SH3GL2: variants seen among roughly 807,000 people sequenced by gnomAD.
SH3GL2 encodes the protein SH3 domain containing GRB2 like 2, endophilin A1, also known as endophilin-A1.
In SH3GL2, 24 loss-of-function variants were observed where a neutral mutation model predicts 46.0. The ratio of observed to expected loss-of-function variants is 0.52; its 90% CI spans 0.38 to 0.73. SH3GL2 has a LOEUF of 0.73. Among genes scored for constraint, SH3GL2 ranks in the 30% least tolerant of loss-of-function variants. The pLI is 0.00. For missense variants in SH3GL2, 413 were observed against 424.2 expected (o/e 0.97, Z 0.23); for synonymous variants, 196 against 147.1 (o/e 1.33, Z -2.40).
chr9:17,667,092 G>A (rs1160674269), intron 1 of SH3GL2, among the ~76,000 whole-genome samples: 2 of 152,138 alleles, frequency 1.3e-5, no homozygotes, highest in African/African-American at 2.4e-5. Flanking sequence ...TTTACATGGT[G>A]TTTATCTTGT....
At chr9:17,650,328 A>G (rs1819923994) in intron 1 of SH3GL2, among the ~76,000 whole-genome samples, 2 of 152,178 alleles carry the variant, frequency 1.3e-5, no homozygotes, top group South Asian at 2.1e-4. Flanking sequence ...CATGGTATGG[A>G]TTGGTTGAAG....
intron 1 of SH3GL2, among the ~76,000 whole-genome samples, chr9:17,687,161 G>A (rs1820937450): frequency 6.6e-6 from 1 of 152,032 alleles, no homozygotes; most frequent in African/African-American, 2.4e-5. Flanking sequence ...CACATTAAGT[G>A]TATGCTTTGA....
intron 1 of SH3GL2, among the ~76,000 whole-genome samples, chr9:17,649,070 C>G (rs1372259164): frequency 1.3e-5 from 2 of 152,010 alleles, no homozygotes; most frequent in African/African-American, 4.8e-5. Context: ...TCTCTTAACT[C>G]AAGGATTAAT....
chr9:17,729,729 A>G (rs1412225344), intron 1 of SH3GL2, among the ~76,000 whole-genome samples: 2 of 152,082 alleles, frequency 1.3e-5, no homozygotes, highest in East Asian at 3.9e-4. Context: ...TTCTTTCCCC[A>G]TTGCTTGTTT....
intron 1 of SH3GL2, among the ~76,000 whole-genome samples, chr9:17,740,046 G>A (rs1822479160): frequency 6.6e-6 from 1 of 152,000 alleles, no homozygotes; most frequent in Non-Finnish European, 1.5e-5. Flanking sequence ...GAAAATCAGT[G>A]TTCATCCTGT....
At chr9:17,617,069 TATA>T (rs1819020363) in intron 1 of SH3GL2, among the ~76,000 whole-genome samples, 1 of 152,204 alleles carries the variant, frequency 6.6e-6, no homozygotes, top group Non-Finnish European at 1.5e-5. Context: ...GCATACATAC[TATA>T]ATATTCTGGG....
At chr9:17,587,395 G>A (rs1818398545) in intron 1 of SH3GL2, among the ~76,000 whole-genome samples, 1 of 152,138 alleles carries the variant, frequency 6.6e-6, no homozygotes, top group African/African-American at 2.4e-5. Flanking sequence ...CTGCAATCTG[G>A]GAAGAACTCT....
At chr9:17,678,275 T>C (rs1468695307) in intron 1 of SH3GL2, among the ~76,000 whole-genome samples, 1 of 152,118 alleles carries the variant, frequency 6.6e-6, no homozygotes, top group Non-Finnish European at 1.5e-5. Flanking sequence ...TTCCTATTTC[T>C]CCACATCCTC....
rs1201875465 is a variant in SH3GL2, at chr9:17,795,725, G to T, written c.1041G>T (p.Leu347=). The T allele has an allele frequency of 1.2e-6, 2 of 1,613,744 alleles. No homozygotes were observed. Among genetic ancestry groups the T allele is most frequent in the South Asian group, 1.1e-5 (1 of 91,030 alleles). ...TCCCCATCAATTATGTGGAAATTCT[G>T]GTTGCCCTGCCCCATTAGGATGTTA... is the stretch of plus-strand genomic sequence containing the variant. ...GFFPINYVEI[L]VALPH The change falls in exon 9 of 9, where the codon CTG becomes CTT. Residue 347 remains leucine (L), a synonymous_variant. Coordinates refer to ENST00000380607, the MANE Select transcript of SH3GL2 (RefSeq NM_003026.5).
intron 1 of SH3GL2, among the ~76,000 whole-genome samples, chr9:17,679,815 T>C (rs1406768722): frequency 6.6e-6 from 1 of 152,208 alleles, no homozygotes; most frequent in Non-Finnish European, 1.5e-5. Context: ...CAATACCTAA[T>C]TTATTGAGAG....
chr9:17,668,845 A>G (rs1032588112), intron 1 of SH3GL2, among the ~76,000 whole-genome samples: 7 of 152,046 alleles, frequency 4.6e-5, no homozygotes, highest in African/African-American at 1.2e-4. Context: ...TTTAATAGAG[A>G]TGAGGTTTTG....
chr9:17,704,787 G>C (rs372560266), intron 1 of SH3GL2, among the ~76,000 whole-genome samples: 1 of 152,032 alleles, frequency 6.6e-6, no homozygotes, highest in Non-Finnish European at 1.5e-5. Context: ...ATTAACACCA[G>C]ATGGATTAAA....
chr9:17,655,295 G>A (rs1180076749), intron 1 of SH3GL2, among the ~76,000 whole-genome samples: 1 of 152,170 alleles, frequency 6.6e-6, no homozygotes, highest in East Asian at 1.9e-4. Flanking sequence ...AGGATGGCAA[G>A]GGGTGTACGT....
At chr9:17,698,185 C>T (rs953749851) in intron 1 of SH3GL2, among the ~76,000 whole-genome samples, 2 of 152,176 alleles carry the variant, frequency 1.3e-5, no homozygotes, top group Non-Finnish European at 2.9e-5. Context: ...GCTTCAAGTC[C>T]AGATGCAGGC....
At chr9:17,637,382 A>G (rs1819564993) in intron 1 of SH3GL2, among the ~76,000 whole-genome samples, 2 of 152,170 alleles carry the variant, frequency 1.3e-5, no homozygotes, top group South Asian at 4.1e-4. Flanking sequence ...CTCTGGGGAC[A>G]TTGAATTCCC....
intron 1 of SH3GL2, among the ~76,000 whole-genome samples, chr9:17,696,181 A>C (rs1288309992): frequency 6.7e-6 from 1 of 150,044 alleles, no homozygotes; most frequent in Non-Finnish European, 1.5e-5. Flanking sequence ...ACTAAAGAGG[A>C]CTTTTTTTTT....
At chr9:17,663,569 T>C (rs1479350394) in intron 1 of SH3GL2, among the ~76,000 whole-genome samples, 1 of 152,204 alleles carries the variant, frequency 6.6e-6, no homozygotes, top group Non-Finnish European at 1.5e-5. Context: ...GGTTCTGAAA[T>C]ACGGATTTAT....
chr9:17,793,852 C>A (rs554364095), intron 8 of SH3GL2, among the ~76,000 whole-genome samples: 1 of 152,182 alleles, frequency 6.6e-6, no homozygotes. Flanking sequence ...CCTGCGTGTT[C>A]GCTCTGAATC....
At chr9:17,648,458 T>C (rs940667299) in intron 1 of SH3GL2, among the ~76,000 whole-genome samples, 6 of 152,334 alleles carry the variant, frequency 3.9e-5, no homozygotes, top group Middle Eastern at 3.4e-3. Context: ...CAAAGAAGTT[T>C]GGCTTTGTCT....
Sources: allele counts gnomAD v4.1 joint callset (sites outside exome capture counted in the v4.1 genomes callset), GRCh38; gene constraint gnomAD v4.1.1; transcripts MANE v1.5; gene names NCBI Gene and HGNC (gene_info 2026-07-23, HGNC 2026-07-21).